Variants in GTPBP4 observed in about 807,000 individuals in gnomAD.
GTPBP4 encodes the protein GTP binding protein 4, also known as GTP-binding protein 4.
In GTPBP4, 15 loss-of-function variants were observed where a neutral mutation model predicts 81.7. That is an observed-to-expected ratio of 0.18 (90% CI 0.12 to 0.28). The LOEUF (loss-of-function observed/expected upper bound fraction) is 0.28. Among genes scored for constraint, GTPBP4 ranks in the 10% least tolerant of loss-of-function variants. The pLI, the probability that GTPBP4 is intolerant of heterozygous loss-of-function variation, is 1.00. For missense variants in GTPBP4, 847 were observed against 793.8 expected, an observed-to-expected ratio of 1.07 and a Z score of -0.81; for synonymous variants, 272 against 274.6, an observed-to-expected ratio of 0.99 and a Z score of 0.09.
In GTPBP4 at chr10:1,008,167, C is replaced by T; in HGVS notation, c.1114-791C>T. 3 of 453,850 alleles carry T rather than the reference C, an allele frequency of 6.6e-6. 1 individual carries two copies. Among genetic ancestry groups the T allele is most frequent in the South Asian group, 4.7e-5 (3 of 64,406 alleles). 28.1% of individuals were successfully genotyped at this position (453,850 alleles called of 1,614,324 possible). A position where few individuals can be genotyped will look rare whatever the true frequency, so the allele number is the denominator to read the frequency against. On this transcript the variant is annotated intron_variant, in intron 10 of 16. Transcript: ENST00000360803. The stretch of plus-strand genomic sequence containing the variant: ...GTGGCTCACGTCTGTAATCCCAGCA[C>T]TCTGGGAGGCCGAGGCGGGTGGATC...
chr10:988,850 G>A (rs1186450425), intron 1 of GTPBP4: 1 of 294,256 alleles, frequency 3.4e-6, no homozygotes, highest in Non-Finnish European at 6.4e-6. Context: ...GGCGAGTGGA[G>A]GGGGACCCCG....
intron 16 of GTPBP4, among the ~76,000 whole-genome samples, chr10:1,016,247 A>G (rs1161056902): frequency 1.3e-5 from 2 of 152,176 alleles, no homozygotes; most frequent in East Asian, 3.9e-4. Flanking sequence ...CAAGCCCCCC[A>G]TGGGAGGAAC....
At chr10:991,151 C>T (rs7094916) in intron 1 of GTPBP4, among the ~76,000 whole-genome samples, 25,778 of 152,054 alleles carry the variant, frequency 0.17, 2,485 homozygotes, top group East Asian at 0.3. Context: ...GCGTGCCCCT[C>T]ATAGTACAAT....
Position 1,009,531 on chromosome 10 carries a change from A to G in GTPBP4, c.1194A>G (p.Glu398=), listed in dbSNP as rs1443752055. 1 of 1,600,410 alleles carries G rather than the reference A, an allele frequency of 6.2e-7. No individual in the cohort carries two copies. Among genetic ancestry groups the G allele is most frequent in the Non-Finnish European group, 8.6e-7 (1 of 1,167,526 alleles). Residue 398 remains glutamate, a splice_region_variant and synonymous_variant, in exon 12 of 17, where the codon GAA becomes GAG. Coordinates refer to ENST00000360803, the MANE Select transcript of GTPBP4 (RefSeq NM_012341.3). The part of the protein sequence containing the change: ...METEESRKKR[E]RDLELEMGDD... ...GATAATTTCTCTTTCTATTGCAGGA[A>G]CGAGATCTTGAGCTGGAAATGGGAG...
At chr10:998,789 T>C (rs1020344984) in intron 5 of GTPBP4, among the ~76,000 whole-genome samples, 7 of 152,062 alleles carry the variant, frequency 4.6e-5, no homozygotes, top group Non-Finnish European at 8.8e-5. Flanking sequence ...GTGGTGGCTG[T>C]CCTCCAAATG....
At position 1,005,825 on chromosome 10, in the gene GTPBP4, T is replaced by G; in HGVS notation, c.920T>G (p.Phe307Cys). Residue 307 changes from phenylalanine to cysteine, a missense_variant, in exon 9 of 17, where the codon TTT becomes TGT. Phe to Cys is a radical substitution (Grantham distance 205). Around this residue, in one of 3 missense-constraint regions of GTPBP4, gnomAD observed 600 missense variants for 557.1 expected, o/e 1.08. Transcript: ENST00000360803. ...TTTTCTTTGCATTCCCAGAAAATAT[T>G]TACAGATTTGCAGTCTGAAGGATTC... ...AELSEDDQKI[F>C]TDLQSEGFPV... 1 of 1,575,622 alleles carries G rather than the reference T, an allele frequency of 6.3e-7. No homozygotes were observed.
At chr10:1,014,444 C>T in intron 15 of GTPBP4, 132 bp downstream of exon 15, 1 of 616,638 alleles carries the variant, frequency 1.6e-6, no homozygotes, top group East Asian at 3.2e-5. Flanking sequence ...ATCATGATGT[C>T]AGGGGTTCGA....
At chr10:998,494 G>T (rs927397785) in intron 5 of GTPBP4, among the ~76,000 whole-genome samples, 1 of 152,218 alleles carries the variant, frequency 6.6e-6, no homozygotes, top group Non-Finnish European at 1.5e-5. Context: ...CAGGGTCCTT[G>T]CTGATTTTTC....
rs769559561 is a variant in GTPBP4, at chr10:988,461, C to G, written c.-19C>G. On this transcript the variant is annotated 5_prime_UTR_variant, in exon 1 of 17. Transcript: ENST00000360803. ...AAGTTCCGGGAGTGCCAAGTACCCG[C>G]GTGCATACGGCTGCCGGCATGGCAC... 5.0e-6 allele frequency: 8 copies of G among 1,610,530 alleles called. No individual in the cohort carries two copies. In the Admixed American group the frequency reaches 1.3e-4, roughly 27 times the overall value.
chr10:999,104 C>CT lies in GTPBP4; in HGVS notation c.654+11dup. On this transcript the variant is annotated intron_variant, in intron 6 of 16. Coordinates refer to ENST00000360803, the MANE Select transcript of GTPBP4 (RefSeq NM_012341.3). The stretch of plus-strand genomic sequence containing the variant: ...AGTATCTACGTTGGCAGGTGAGAGT[C>CT]TTGTCTTTATTTTTATTCATTTATT... The CT allele has an allele frequency of 7.0e-7, 1 of 1,422,300 alleles. No individual in the cohort carries two copies. Among genetic ancestry groups the CT allele is most frequent in the Non-Finnish European group, 9.9e-7 (1 of 1,005,226 alleles). The allele number at this position is 1,422,300 out of a possible 1,614,324, so 88.1% of individuals were successfully genotyped here.
In GTPBP4 at chr10:1,007,141, C is replaced by A; in HGVS notation, c.1113+13C>A. ...GAGGGACGATAAGGTAAGACGGCCC[C>A]TGGGACAGCCGTGGGCTCACAGTAC... On this transcript the variant is annotated intron_variant, in intron 10 of 16. Transcript: ENST00000360803. 1 of 1,418,250 alleles carries A rather than the reference C, an allele frequency of 7.1e-7. No individual in the cohort carries two copies. The highest frequency in any genetic ancestry group is 1.1e-5 in the South Asian group (1 of 87,076). The allele number at this position is 1,418,250 out of a possible 1,614,324, so 87.9% of individuals were successfully genotyped here.
rs551022037 is a variant in GTPBP4 at position 996,142 on chromosome 10, C to T, written c.360C>T (p.Gly120=). 2.9e-5 allele frequency: 46 copies of T among 1,610,176 alleles called. No homozygotes were observed. The highest frequency in any genetic ancestry group is 3.1e-5 in the Non-Finnish European group (36 of 1,176,878). Reference sequence around the variant, plus strand: ...ATTATGTGCGACTGATGAAGTATGGCGACTCTCTCTACCGCTGCAAACAGC... The same window carrying T: ...ATTATGTGCGACTGATGAAGTATGGTGACTCTCTCTACCGCTGCAAACAGC... ...AKDYVRLMKY[G]DSLYRCKQLK... Residue 120 remains glycine (G), a synonymous_variant, in exon 4 of 17, where the codon GGC becomes GGT. Transcript: ENST00000360803.
chr10:1,002,521 A>G (rs1831654114), intron 8 of GTPBP4, among the ~76,000 whole-genome samples: 1 of 152,086 alleles, frequency 6.6e-6, no homozygotes, highest in African/African-American at 2.4e-5. Flanking sequence ...ATACTTTTTC[A>G]TGTTTTCATG....
In GTPBP4 at chr10:992,538, T is replaced by A; in HGVS notation, c.98T>A (p.Val33Asp). Residue 33 changes from valine to aspartate, a missense_variant, in exon 2 of 17, where the codon GTT becomes GAT. Val to Asp is a radical substitution (Grantham distance 152, BLOSUM62 -3). This residue lies in a region of GTPBP4 where 241 missense variants were observed against 216.3 expected (regional missense o/e 1.11). Transcript: ENST00000360803. ...LSKTQRKTPTVIHKHYQIHRI... is the reference protein window; with the variant it reads ...LSKTQRKTPTDIHKHYQIHRI... ...AAGACTCAACGAAAGACTCCAACCG[T>A]TATTCATAAACATTACCAAATACAT... 1 of 1,605,402 alleles carries A rather than the reference T, an allele frequency of 6.2e-7. No individual in the cohort carries two copies. The highest frequency in any genetic ancestry group is 8.5e-7 in the Non-Finnish European group (1 of 1,172,272).
rs183214464 is a variant in GTPBP4, at chr10:1,002,731, A to G, written c.912+1718A>G. ...TTTTTCTTCAACACTTTGAATATAT[A>G]TCATCCCATTGTCTCCTGGCGTGCA... On this transcript the variant is annotated intron_variant, in intron 8 of 16. Coordinates refer to ENST00000360803, the MANE Select transcript of GTPBP4 (RefSeq NM_012341.3). Among the ~76,000 whole-genome samples, 65 of 152,272 alleles carry G rather than the reference A, an allele frequency of 4.3e-4. No individual in the cohort carries two copies. The Middle Eastern group carries it at 0.01, about 24-fold the overall frequency.
chr10:990,949 A>G (rs1389372361), intron 1 of GTPBP4, among the ~76,000 whole-genome samples: 1 of 151,760 alleles, frequency 6.6e-6, no homozygotes, highest in African/African-American at 2.4e-5. Flanking sequence ...GAACGTAGAG[A>G]AGATCTTGTG....
In GTPBP4 at chr10:988,725, T is replaced by A. The variant is rs1002057207; in HGVS notation, c.48+198T>A. 4 of 589,214 alleles carry A rather than the reference T, an allele frequency of 6.8e-6. No homozygotes were observed. In the Admixed American group the frequency reaches 8.8e-5, roughly 13 times the overall value. 36.5% of individuals were successfully genotyped at this position (589,214 alleles called of 1,614,324 possible). A position where few individuals can be genotyped will look rare whatever the true frequency, so the allele number is the denominator to read the frequency against. Reference sequence around the variant, plus strand: ...AATCCGGGGTCCACCAGAGATCGGATCCCCCAGAGACCGGGGTCCACCTAA... The same window carrying A: ...AATCCGGGGTCCACCAGAGATCGGAACCCCCAGAGACCGGGGTCCACCTAA... On this transcript the variant is annotated intron_variant, in intron 1 of 16. Transcript: ENST00000360803.
rs115443914 is a variant in GTPBP4 at position 992,993 on chromosome 10, G to A, written c.219+334G>A. Among the ~76,000 whole-genome samples, 574 of 152,292 alleles carry A rather than the reference G, an allele frequency of 3.8e-3. 4 individuals are homozygous for A. The highest frequency in any genetic ancestry group is 0.013 in the African/African-American group (545 of 41,570). On this transcript the variant is annotated intron_variant, in intron 2 of 16. Coordinates refer to ENST00000360803, the MANE Select transcript of GTPBP4 (RefSeq NM_012341.3). ...CTGTGGGTTATGAACACAGAAGCTA[G>A]CAGCTCACTGGTTGTCTGGGCTTTA...
At chr10:992,227 C>T (rs1205939104) in intron 1 of GTPBP4, among the ~76,000 whole-genome samples, 1 of 150,820 alleles carries the variant, frequency 6.6e-6, no homozygotes, top group Non-Finnish European at 1.5e-5. Flanking sequence ...GGTGAAACCC[C>T]ATCTCTACTA....
Sources: gnomAD v4.1 joint callset for allele counts (sites outside exome capture counted in the v4.1 genomes callset) on GRCh38, gnomAD v4.1.1 for gene constraint, gnomAD v4.1.1 regional missense constraint, MANE v1.5 for transcripts, NCBI Gene and HGNC (gene_info 2026-07-23, HGNC 2026-07-21) for gene names.